The following VRK2 variants were observed in gnomAD, a reference collection of about 807,000 sequenced individuals.
VRK2 encodes serine/threonine-protein kinase VRK2.
VRK2 carries 60 observed loss-of-function variants against 57.6 expected under a neutral mutation model. That is an observed-to-expected ratio of 1.04 (90% CI 0.85 to 1.29). VRK2 has a LOEUF of 1.29. Ranked by LOEUF, VRK2 falls within the 50% of genes most tolerant of loss-of-function variation. The pLI, the probability that VRK2 is intolerant of heterozygous loss-of-function variation, is 0.00. For synonymous variants in VRK2, 231 were observed against 199.2 expected (o/e 1.16, Z -1.35); for missense variants, 705 against 588.1 (o/e 1.20, Z -2.06).
chr2:57,973,621 A>C (rs1672161163), intron 1 of VRK2, among the ~76,000 whole-genome samples: 1 of 151,876 alleles, frequency 6.6e-6, no homozygotes, highest in Admixed American at 6.6e-5. Context: ...GCACTGTCAA[A>C]CTATGAAGTG....
intron 1 of VRK2, chr2:58,047,452 C>T: frequency 3.0e-6 from 3 of 985,396 alleles, no homozygotes; most frequent in Non-Finnish European, 3.6e-6. Context: ...CAGATGAACT[C>T]GGGACTCGCC....
intron 12 of VRK2, among the ~76,000 whole-genome samples, chr2:58,148,391 C>A (rs539579999): frequency 7.2e-5 from 11 of 151,846 alleles, no homozygotes; most frequent in African/African-American, 2.4e-4. Flanking sequence ...ATTGTTAAGC[C>A]ACAGGAGTCC....
chr2:57,994,852 A>C (rs545247048), intron 1 of VRK2, among the ~76,000 whole-genome samples: 1 of 152,232 alleles, frequency 6.6e-6, no homozygotes, highest in South Asian at 2.1e-4. Context: ...ATATTTTCCC[A>C]AACAAAAAAA....
At chr2:58,065,310 A>G (rs556128444) in intron 2 of VRK2, among the ~76,000 whole-genome samples, 79 of 152,206 alleles carry the variant, frequency 5.2e-4, no homozygotes, top group African/African-American at 1.9e-3. Context: ...TCTGGCAGCC[A>G]TTGATCTATT....
chr2:58,070,618 T>C lies in VRK2; in HGVS notation c.137-13471T>C, dbSNP rs146920109. ...AGCTTCTTTCACAAAACTATATGTT[T>C]TTAAGATTCCTCCATATCTTTTTGT... On this transcript the variant is annotated intron_variant, in intron 2 of 12. Coordinates refer to ENST00000340157, the MANE Select transcript of VRK2 (RefSeq NM_006296.7). Among the ~76,000 whole-genome samples, 84 of 152,344 alleles carry C rather than the reference T, an allele frequency of 5.5e-4. No individual in the cohort carries two copies. The East Asian group carries it at 6.2e-3, about 11-fold the overall frequency.
chr2:58,024,590 T>C (rs1673866668), intron 1 of VRK2, among the ~76,000 whole-genome samples: 1 of 152,182 alleles, frequency 6.6e-6, no homozygotes, highest in Non-Finnish European at 1.5e-5. Context: ...TGATATTTTA[T>C]TTTGGAATTG....
intron 1 of VRK2, among the ~76,000 whole-genome samples, chr2:57,977,470 T>G (rs186896051): frequency 8.9e-4 from 135 of 152,192 alleles, no homozygotes; most frequent in Non-Finnish European, 1.2e-3. Flanking sequence ...ATTTTTTTTC[T>G]TTTTGTGGCT....
chr2:57,948,679 T>C (rs1330007043), intron 1 of VRK2, among the ~76,000 whole-genome samples: 3 of 152,068 alleles, frequency 2.0e-5, no homozygotes, highest in African/African-American at 4.8e-5. Context: ...TTGGATACCA[T>C]CTGTGTACTG....
At chr2:58,133,963 C>A (rs963104707) in intron 9 of VRK2, among the ~76,000 whole-genome samples, 11 of 152,058 alleles carry the variant, frequency 7.2e-5, no homozygotes, top group Admixed American at 2.0e-4. Flanking sequence ...TATTATAATT[C>A]CTGTAATTCC....
intron 1 of VRK2, among the ~76,000 whole-genome samples, chr2:57,966,488 C>T (rs1671921329): frequency 6.6e-6 from 1 of 152,132 alleles, no homozygotes. Flanking sequence ...GTTCACTTAG[C>T]ATATGTCCAG....
At chr2:58,135,303 T>C in intron 10 of VRK2, 104 bp downstream of exon 10, 5 of 1,217,666 alleles carry the variant, frequency 4.1e-6, no homozygotes, top group Non-Finnish European at 6.0e-6. Flanking sequence ...CCTATTCCCA[T>C]CAGGGTGGGA....
At chr2:58,041,417 G>C (rs894993262) in intron 3 of VRK2, among the ~76,000 whole-genome samples, 6 of 152,032 alleles carry the variant, frequency 3.9e-5, no homozygotes, top group Non-Finnish European at 5.9e-5. Context: ...GATGGAAATG[G>C]GTGGTTGGGT....
intron 3 of VRK2, among the ~76,000 whole-genome samples, chr2:58,038,914 T>C (rs1232568446): frequency 6.6e-6 from 1 of 152,144 alleles, no homozygotes; most frequent in African/African-American, 2.4e-5. Flanking sequence ...GCTTTCATGA[T>C]AATTTGGAAT....
Position 58,159,820 on chromosome 2 carries a change from T to C in VRK2, c.*127T>C. ...AATTGGCTTTAAAAAGAGAACATATTTTAACAAAGTTTGTGGACACTCTAA... is the reference window on the plus strand; with the variant it reads ...AATTGGCTTTAAAAAGAGAACATATCTTAACAAAGTTTGTGGACACTCTAA... On this transcript the variant is annotated 3_prime_UTR_variant, in exon 13 of 13. Transcript: ENST00000340157. 6.2e-7 allele frequency: 1 copy of C among 1,611,672 alleles called. No individual in the cohort carries two copies. Among genetic ancestry groups the C allele is most frequent in the Non-Finnish European group, 8.5e-7 (1 of 1,179,154 alleles).
In VRK2 at chr2:58,030,234, T is replaced by G. The variant is rs370736494; in HGVS notation, c.-332-2993T>G. 6.2e-4 allele frequency among the ~76,000 whole-genome samples: 94 copies of G among 152,264 alleles called. 2 individuals carry two copies. In the South Asian group the frequency reaches 0.019, roughly 31 times the overall value. On this transcript the variant is annotated intron_variant, in intron 2 of 15. Coordinates refer to the VRK2 transcript ENST00000417641. ...TTCCTCAGATCTAATAAGTTTAACTTAAAACACTTAGCAATTTCACACCTA... is the reference window on the plus strand; with the variant it reads ...TTCCTCAGATCTAATAAGTTTAACTGAAAACACTTAGCAATTTCACACCTA...
chr2:57,940,413 G>A (rs1671055675), intron 1 of VRK2, among the ~76,000 whole-genome samples: 1 of 152,158 alleles, frequency 6.6e-6, no homozygotes, highest in South Asian at 2.1e-4. Flanking sequence ...CCCACGCTGA[G>A]GAGGACAATC....
chr2:57,970,169 T>A (rs981779224), intron 1 of VRK2, among the ~76,000 whole-genome samples: 2 of 148,438 alleles, frequency 1.3e-5, no homozygotes, highest in Non-Finnish European at 3.0e-5. Context: ...AATCATATAT[T>A]TTAAATCATA....
chr2:57,993,554 C>T (rs1235950701), intron 1 of VRK2, among the ~76,000 whole-genome samples: 1 of 151,910 alleles, frequency 6.6e-6, no homozygotes, highest in East Asian at 1.9e-4. Flanking sequence ...GCACATGAGC[C>T]ATTGGCTTTG....
chr2:58,044,844 C>T (rs1674620015), upstream of VRK2, among the ~76,000 whole-genome samples: 1 of 152,148 alleles, frequency 6.6e-6, no homozygotes, highest in Admixed American at 6.5e-5. Context: ...TTCTTTTCAA[C>T]GACTGGCAAT....
Sources: gnomAD v4.1 joint callset for allele counts (sites outside exome capture counted in the v4.1 genomes callset) on GRCh38, gnomAD v4.1.1 for gene constraint, MANE v1.5 for transcripts, NCBI Gene and HGNC (gene_info 2026-07-23, HGNC 2026-07-21) for gene names.